PDE4D: variants seen among roughly 807,000 people sequenced by gnomAD.
PDE4D encodes 3',5'-cyclic-AMP phosphodiesterase 4D.
In PDE4D, 24 loss-of-function variants were observed where a neutral mutation model predicts 87.4. The ratio of observed to expected loss-of-function variants is 0.27; its 90% confidence interval spans 0.20 to 0.39. The LOEUF (loss-of-function observed/expected upper bound fraction) is 0.39. PDE4D is among the 10% of genes least tolerant of loss of function. The pLI, the probability that PDE4D is intolerant of heterozygous loss-of-function variation, is 1.00. For synonymous variants in PDE4D, 384 were observed against 383.2 expected (o/e 1.00, Z -0.02); for missense variants, 714 against 1,041.0 (o/e 0.69, Z 4.32).
chr5:59,900,845 T>C (rs1752185322), intron 3 of PDE4D, among the ~76,000 whole-genome samples: 1 of 152,154 alleles, frequency 6.6e-6, no homozygotes, highest in Admixed American at 6.5e-5. Context: ...TAGGCCCAAC[T>C]ACCAAAGGCT....
At chr5:59,148,872 C>A (rs1259370294) in intron 5 of PDE4D, among the ~76,000 whole-genome samples, 2 of 150,492 alleles carry the variant, frequency 1.3e-5, no homozygotes, top group East Asian at 3.9e-4. Context: ...TACCTTAAAC[C>A]CACATTTGAC....
chr5:59,586,818 A>G (rs1825215615), intron 1 of PDE4D: 1 of 985,306 alleles, frequency 1.0e-6, no homozygotes, highest in Non-Finnish European at 1.2e-6. Context: ...GTTAGAAGGG[A>G]AATGGAAAAC....
rs1404074507 is a variant in PDE4D, at chr5:59,408,263, C to T, written c.456-192295G>A. ...CCAGTCCAGCCGTGGCTCAAAGAGC[C>T]TCAGGTATGGCTCAGGTTGCCACTC... On this transcript the variant is annotated intron_variant, in intron 1 of 14. Transcript: ENST00000340635. 2.0e-5 allele frequency among the ~76,000 whole-genome samples: 3 copies of T among 152,304 alleles called. 1 individual carries two copies. The highest frequency in any genetic ancestry group is 7.2e-5 in the African/African-American group (3 of 41,560).
chr5:59,872,300 C>CACACA (rs10693446), intron 1 of PDE4D, among the ~76,000 whole-genome samples: 2,371 of 146,944 alleles, frequency 0.016, 57 homozygotes, highest in East Asian at 0.09. Context: ...CACACACACA[C>CACACA]AAGAGCACAC....
chr5:59,157,389 G>A (rs985612208), intron 5 of PDE4D: 3 of 702,204 alleles, frequency 4.3e-6, no homozygotes, highest in Non-Finnish European at 7.8e-6. Flanking sequence ...TTGCAAACAA[G>A]TGATCCGAAG....
intron 3 of PDE4D, among the ~76,000 whole-genome samples, chr5:59,949,213 C>T (rs778105990): frequency 5.9e-5 from 9 of 152,058 alleles, no homozygotes; most frequent in African/African-American, 9.7e-5. Context: ...GGGTGGATCA[C>T]GAGGTCAGGA....
intron 1 of PDE4D, among the ~76,000 whole-genome samples, chr5:59,366,031 T>A (rs1049396974): frequency 7.9e-5 from 12 of 152,122 alleles, no homozygotes; most frequent in Admixed American, 4.6e-4. Flanking sequence ...AAAAAGAGGC[T>A]TTTTCCCCCC....
intron 3 of PDE4D, among the ~76,000 whole-genome samples, chr5:59,943,565 T>C (rs770915180): frequency 5.9e-5 from 9 of 152,254 alleles, no homozygotes; most frequent in Admixed American, 2.0e-4. Flanking sequence ...TGTAGCCATT[T>C]GGCTTCTGCA....
At chr5:59,094,506 T>C (rs1769335834) in intron 5 of PDE4D, among the ~76,000 whole-genome samples, 2 of 152,050 alleles carry the variant, frequency 1.3e-5, no homozygotes, top group South Asian at 4.1e-4. Context: ...ATTTCAGAAC[T>C]GAAGGACTCA....
At chr5:59,258,478 T>C (rs1314585470) in intron 1 of PDE4D, among the ~76,000 whole-genome samples, 2 of 151,898 alleles carry the variant, frequency 1.3e-5, no homozygotes, top group African/African-American at 4.8e-5. Context: ...TTTTTCTGTA[T>C]AGAAACTACC....
intron 1 of PDE4D, among the ~76,000 whole-genome samples, chr5:59,867,411 T>C (rs1299398775): frequency 6.6e-5 from 10 of 152,190 alleles, no homozygotes; most frequent in African/African-American, 2.4e-4. Context: ...CTTTCACTTA[T>C]TTAAATGGTA....
intron 1 of PDE4D, among the ~76,000 whole-genome samples, chr5:60,363,937 T>C (rs1192257175): frequency 3.9e-5 from 6 of 152,214 alleles, no homozygotes. Flanking sequence ...CTTTACCTTA[T>C]GTGGAATAAA....
intron 2 of PDE4D, among the ~76,000 whole-genome samples, chr5:60,098,944 T>C (rs545255917): frequency 9.9e-5 from 15 of 152,138 alleles, no homozygotes; most frequent in Middle Eastern, 6.8e-3. Flanking sequence ...TCCTTTCATT[T>C]CAACTTGAAG....
chr5:59,910,951 C>A (rs1753374048), intron 3 of PDE4D, among the ~76,000 whole-genome samples: 1 of 152,322 alleles, frequency 6.6e-6, no homozygotes, highest in East Asian at 1.9e-4. Flanking sequence ...AAAGTTATAA[C>A]AGTGAAAAAA....
intron 1 of PDE4D, among the ~76,000 whole-genome samples, chr5:59,883,976 C>T (rs142399766): frequency 1.1e-4 from 17 of 151,802 alleles, no homozygotes; most frequent in African/African-American, 3.1e-4. Flanking sequence ...ATATATTAAA[C>T]GAAATAAGTT....
chr5:59,643,398 G>T (rs1402534815), intron 1 of PDE4D, among the ~76,000 whole-genome samples: 2 of 152,124 alleles, frequency 1.3e-5, no homozygotes, highest in African/African-American at 2.4e-5. Flanking sequence ...GCCTGAGGAA[G>T]GTGAAATTTC....
At chr5:59,660,688 T>G (rs978769124) in intron 1 of PDE4D, among the ~76,000 whole-genome samples, 16 of 152,152 alleles carry the variant, frequency 1.1e-4, no homozygotes, top group Admixed American at 9.8e-4. Flanking sequence ...CAAATTGAAC[T>G]AAAAGGCTAC....
intron 2 of PDE4D, among the ~76,000 whole-genome samples, chr5:60,170,723 CATAAT>C (rs949576094): frequency 4.6e-5 from 7 of 151,822 alleles, no homozygotes; most frequent in African/African-American, 1.7e-4. Context: ...TATGTAATGA[CATAAT>C]AGATGAAACA....
intron 1 of PDE4D, among the ~76,000 whole-genome samples, chr5:59,755,531 G>A (rs1335828132): frequency 6.6e-6 from 1 of 152,128 alleles, no homozygotes; most frequent in Admixed American, 6.6e-5. Flanking sequence ...TTATTAGTAA[G>A]AAGGCTTTAT....
Sources: allele counts gnomAD v4.1 joint callset (sites outside exome capture counted in the v4.1 genomes callset), GRCh38; gene constraint gnomAD v4.1.1; transcripts MANE v1.5; gene names NCBI Gene and HGNC (gene_info 2026-07-23, HGNC 2026-07-21).